RPS19: variants seen among roughly 807,000 people sequenced by gnomAD.
RPS19 encodes small ribosomal subunit protein eS19.
Under a neutral mutation model 20.3 loss-of-function variants are expected in RPS19, and 1 was observed. The ratio of observed to expected loss-of-function variants is 0.05; its 90% CI spans 0.02 to 0.23. RPS19 has a LOEUF of 0.23. Among genes scored for constraint, RPS19 ranks in the 10% least tolerant of loss-of-function variants. The pLI is 1.00. For missense variants in RPS19, 111 were observed against 192.7 expected, an observed-to-expected ratio of 0.58 and a Z score of 2.51; for synonymous variants, 87 against 74.8, an observed-to-expected ratio of 1.16 and a Z score of -0.84.
intron 3 of RPS19, chr19:41,864,151 C>T (rs1350613140): frequency 2.0e-5 from 3 of 152,212 alleles, no homozygotes; most frequent in Non-Finnish European, 4.4e-5. Context: ...GGACAAGCCT[C>T]TTGCTGTCTT....
At position 41,872,143 on chromosome 19, in the gene RPS19, C is replaced by A. The variant is rs1212691560; in HGVS notation, c.*766C>A. 1 of 152,280 alleles carries A rather than the reference C, an allele frequency of 6.6e-6. No homozygotes were observed. The highest frequency in any genetic ancestry group is 1.5e-5 in the Non-Finnish European group (1 of 68,070). 9.4% of individuals were successfully genotyped at this position (152,280 alleles called of 1,614,324 possible). A position where few individuals can be genotyped will look rare whatever the true frequency, so the allele number is the denominator to read the frequency against. Reference sequence around the variant, plus strand: ...ACACGGGCTGCACAACCTTTGCAGTCGTGCACGGCAAGTGGGATGTGGCCT... The same window carrying A: ...ACACGGGCTGCACAACCTTTGCAGTAGTGCACGGCAAGTGGGATGTGGCCT... On this transcript the variant is annotated 3_prime_UTR_variant, in exon 6 of 6. Transcript: ENST00000598742.
chr19:41,870,789 G>C (rs2074138804), intron 5 of RPS19, among the ~76,000 whole-genome samples: 1 of 149,340 alleles, frequency 6.7e-6, no homozygotes, highest in Non-Finnish European at 1.5e-5. Flanking sequence ...CTGGTGGTTG[G>C]ATGTTGGCCT....
intron 4 of RPS19, 92 bp downstream of exon 4, chr19:41,869,306 C>T (rs2074121644): frequency 8.6e-7 from 1 of 1,159,992 alleles, no homozygotes. Context: ...TCTGCCCAGC[C>T]CCTCAGGCCC....
In RPS19 at chr19:41,860,863, G is replaced by A. The variant is rs782061033; in HGVS notation, c.71+18G>A. On this transcript the variant is annotated intron_variant, in intron 2 of 5. Coordinates refer to ENST00000598742, the MANE Select transcript of RPS19 (RefSeq NM_001022.4). ...CTCAAAAAGTGAGTTTGGGGACTGA[G>A]GTTCAAAACGGGTGGAGGCTGTCGC... The A allele has an allele frequency of 4.4e-5, 70 of 1,603,952 alleles. No homozygotes were observed. Among genetic ancestry groups the A allele is most frequent in the Non-Finnish European group, 5.4e-5 (63 of 1,171,530 alleles).
At position 41,870,848 on chromosome 19, in the gene RPS19, C is replaced by CTTTTTTTTTTTT. The variant is rs2074139987; in HGVS notation, c.412-503_412-502insTTTTTTTTTTTT. ...TTGGACTCCACTCCGCCACTCCCTT[C>CTTTTTTTTTTTT]CTTTTTTTTTTTTTTTTTTTTTTTT... On this transcript the variant is annotated intron_variant, in intron 5 of 5. Transcript: ENST00000598742. 7.0e-5 allele frequency among the ~76,000 whole-genome samples: 6 copies of CTTTTTTTTTTTT among 85,764 alleles called. 2 individuals are homozygous for CTTTTTTTTTTTT. The highest frequency in any genetic ancestry group is 8.9e-5 in the African/African-American group (2 of 22,540). 56.3% of individuals were successfully genotyped at this position (85,764 alleles called of 152,430 possible). A position where few individuals can be genotyped will look rare whatever the true frequency, so the allele number is the denominator to read the frequency against.
chr19:41,869,892 C>A, intron 5 of RPS19, 139 bp downstream of exon 5: 1 of 822,318 alleles, frequency 1.2e-6, no homozygotes, highest in Non-Finnish European at 2.0e-6. Context: ...AGGAGGGCTG[C>A]CCAGAGACAG....
chr19:41,869,280 G>T (rs61762295), intron 4 of RPS19, 66 bp downstream of exon 4: 1 of 1,426,268 alleles, frequency 7.0e-7, no homozygotes, highest in Non-Finnish European at 9.7e-7. Context: ...ATTCCCCAAC[G>T]AATGGTCCTG....
intron 3 of RPS19, 108 bp downstream of exon 3, chr19:41,861,320 A>C: frequency 1.2e-6 from 1 of 812,216 alleles, no homozygotes; most frequent in Non-Finnish European, 2.1e-6. Context: ...GAGGGAGAGA[A>C]ACCCTTGGTT....
At chr19:41,867,503 G>C (rs1289371807) in intron 3 of RPS19, among the ~76,000 whole-genome samples, 2 of 152,098 alleles carry the variant, frequency 1.3e-5, no homozygotes, top group Non-Finnish European at 2.9e-5. Context: ...GTAGAGATGG[G>C]GTTTCACCAT....
chr19:41,871,337 A>G lies in RPS19; in HGVS notation c.412-14A>G, dbSNP rs782200272. 4 of 1,613,796 alleles carry G rather than the reference A, an allele frequency of 2.5e-6. No homozygotes were observed. The South Asian group carries it at 4.4e-5, about 18-fold the overall frequency. ...CCCCTTGACTAACTTTTATTCTTCC[A>G]TCTTTTCCCACAGGTGGCAGCTGCC... On this transcript the variant is annotated splice_polypyrimidine_tract_variant and intron_variant, in intron 5 of 5. Transcript: ENST00000598742.
intron 3 of RPS19, among the ~76,000 whole-genome samples, chr19:41,867,395 C>T (rs1690347130): frequency 6.6e-6 from 1 of 152,192 alleles, no homozygotes; most frequent in Non-Finnish European, 1.5e-5. Flanking sequence ...CCTCTGCCTC[C>T]CAGGTTCAAG....
At position 41,872,355 on chromosome 19, in the gene RPS19, C is replaced by T. The variant is rs1353286894; in HGVS notation, c.*978C>T. ...CCAGGATTCCCCTGTCCAAATTATTCCTGGGATCTGACCCATTTCCTGGAA... is the reference window on the plus strand; with the variant it reads ...CCAGGATTCCCCTGTCCAAATTATTTCTGGGATCTGACCCATTTCCTGGAA... On this transcript the variant is annotated 3_prime_UTR_variant, in exon 6 of 6. Coordinates refer to ENST00000598742, the MANE Select transcript of RPS19 (RefSeq NM_001022.4). 2 of 152,296 alleles carry T rather than the reference C, an allele frequency of 1.3e-5. No homozygotes were observed. Among genetic ancestry groups the T allele is most frequent in the African/African-American group, 4.8e-5 (2 of 41,476 alleles). The allele number at this position is 152,296 out of a possible 1,614,324, so 9.4% of individuals were successfully genotyped here.
chr19:41,864,463 T>C (rs550822637), intron 3 of RPS19: 1 of 152,390 alleles, frequency 6.6e-6, no homozygotes, highest in East Asian at 1.9e-4. Context: ...CTTCCCTGCC[T>C]TTGACTCAGT....
intron 3 of RPS19, among the ~76,000 whole-genome samples, chr19:41,866,738 C>T (rs782322005): frequency 1.3e-5 from 2 of 151,966 alleles, no homozygotes; most frequent in South Asian, 2.1e-4. Context: ...GGCCAGGGGC[C>T]GGGTGCGGTG....
chr19:41,866,977 A>G (rs1237166239), intron 3 of RPS19, among the ~76,000 whole-genome samples: 1 of 151,772 alleles, frequency 6.6e-6, no homozygotes, highest in East Asian at 1.9e-4. Context: ...AGATTGCGCC[A>G]CTGCACTCCA....
At chr19:41,868,018 C>T (rs1164953783) in intron 3 of RPS19, among the ~76,000 whole-genome samples, 2 of 152,174 alleles carry the variant, frequency 1.3e-5, no homozygotes, top group Non-Finnish European at 2.9e-5. Flanking sequence ...GCAGCCCACC[C>T]CACACAGACT....
In RPS19 at chr19:41,868,564, C is replaced by T. The variant is rs1165275015; in HGVS notation, c.173-467C>T. On this transcript the variant is annotated intron_variant, in intron 3 of 5. Coordinates refer to ENST00000598742, the MANE Select transcript of RPS19 (RefSeq NM_001022.4). Reference sequence around the variant, plus strand: ...AGGGACTTGCCCAAGCCAGCCTTCCCTGTGTCTGCAGAGGGGCTGGTACAC... The same window carrying T: ...AGGGACTTGCCCAAGCCAGCCTTCCTTGTGTCTGCAGAGGGGCTGGTACAC... Among the ~76,000 whole-genome samples, 3 of 152,150 alleles carry T rather than the reference C, an allele frequency of 2.0e-5. No individual in the cohort carries two copies. The East Asian group carries it at 5.8e-4, about 29-fold the overall frequency.
chr19:41,860,509 C>T (rs1387776884), intron 1 of RPS19: 3 of 516,718 alleles, frequency 5.8e-6, no homozygotes, highest in East Asian at 6.9e-5. Flanking sequence ...GTGGGGCGTC[C>T]GGAGTCCCGG....
intron 4 of RPS19, 23 bp from the exon 5 acceptor site, chr19:41,869,676 G>C: frequency 6.2e-7 from 1 of 1,613,240 alleles, no homozygotes; most frequent in Non-Finnish European, 8.5e-7. Context: ...ACTGGGGCCT[G>C]CATGACCCTT....
Sources: allele counts gnomAD v4.1 joint callset (sites outside exome capture counted in the v4.1 genomes callset), GRCh38; gene constraint gnomAD v4.1.1; transcripts MANE v1.5; gene names NCBI Gene and HGNC (gene_info 2026-07-23, HGNC 2026-07-21).